The following EVI5 variants were observed in gnomAD, a reference collection of about 807,000 sequenced individuals.
The protein encoded by EVI5 is ecotropic viral integration site 5 protein homolog.
A neutral mutation model predicts 112.0 loss-of-function variants in EVI5; 73 were observed. The ratio of observed to expected loss-of-function variants is 0.65; its 90% CI spans 0.54 to 0.79. The LOEUF (loss-of-function observed/expected upper bound fraction) is 0.79, where lower values mean the gene tolerates loss of function less well. EVI5 is among the 30% of genes least tolerant of loss of function. EVI5 has a pLI of 0.00. For missense variants in EVI5, 900 were observed against 968.8 expected, an observed-to-expected ratio of 0.93 and a Z score of 0.94; for synonymous variants, 305 against 319.9, an observed-to-expected ratio of 0.95 and a Z score of 0.50.
At chr1:92,623,481 T>A (rs1369967817) in intron 16 of EVI5, among the ~76,000 whole-genome samples, 1 of 152,186 alleles carries the variant, frequency 6.6e-6, no homozygotes, top group African/African-American at 2.4e-5. Flanking sequence ...GAAAACCAAA[T>A]GTGCCTTTAC....
chr1:92,636,289 C>G lies in EVI5; in HGVS notation c.1440G>C (p.Glu480Asp). The G allele has an allele frequency of 6.2e-7, 1 of 1,613,774 alleles. No homozygotes were observed. ...TCAGTCGGGCTTGGACCAATTCCTT[C>G]TCTAGCTGTAGCACAAAATCTTCGT... is the stretch of plus-strand genomic sequence containing the variant. ...NYNEDFVLQLEKELVQARLSE... is the reference protein window; with the variant it reads ...NYNEDFVLQLDKELVQARLSE... Residue 480 changes from glutamate (E) to aspartate (D), a missense_variant, in exon 14 of 20, where the codon GAG becomes GAC. Transcript: ENST00000684568.
At chr1:92,605,557 C>T (rs886805662) in intron 17 of EVI5, among the ~76,000 whole-genome samples, 155 bp from the exon 18 acceptor site, 3 of 152,016 alleles carry the variant, frequency 2.0e-5, no homozygotes, top group South Asian at 2.1e-4. Flanking sequence ...ATACATACAA[C>T]GAAGCAGTGA....
At chr1:92,725,541 G>A (rs189066712) in intron 2 of EVI5, among the ~76,000 whole-genome samples, 81 of 152,048 alleles carry the variant, frequency 5.3e-4, no homozygotes, top group Non-Finnish European at 7.4e-4. Context: ...TGAATAACAC[G>A]GTGAAACCCC....
chr1:92,773,099 G>A (rs749761749), intron 1 of EVI5, among the ~76,000 whole-genome samples: 2 of 151,428 alleles, frequency 1.3e-5, no homozygotes, highest in Admixed American at 1.3e-4. Flanking sequence ...CCCAGCACTC[G>A]GGAGGCTGAG....
At chr1:92,742,622 G>A (rs950200099) in intron 1 of EVI5, among the ~76,000 whole-genome samples, 3 of 151,794 alleles carry the variant, frequency 2.0e-5, no homozygotes, top group African/African-American at 4.8e-5. Context: ...GCAGTGAGCC[G>A]AGACAGTGCC....
intron 19 of EVI5, among the ~76,000 whole-genome samples, chr1:92,520,733 C>G (rs1374506524): frequency 6.6e-6 from 1 of 151,622 alleles, no homozygotes; most frequent in African/African-American, 2.4e-5. Context: ...TACCTGTAGT[C>G]CCAACTACTC....
chr1:92,555,949 C>T (rs537361449), intron 19 of EVI5, among the ~76,000 whole-genome samples: 1 of 151,386 alleles, frequency 6.6e-6, no homozygotes, highest in African/African-American at 2.4e-5. Context: ...CCAACAACTA[C>T]AGAACCAGAT....
intron 16 of EVI5, among the ~76,000 whole-genome samples, chr1:92,608,899 T>A (rs1478943799): frequency 1.3e-5 from 2 of 152,196 alleles, no homozygotes; most frequent in South Asian, 2.1e-4. Context: ...TATCTCTGAG[T>A]CTCTATTTCC....
intron 19 of EVI5, among the ~76,000 whole-genome samples, chr1:92,551,930 T>C (rs1667003364): frequency 6.6e-6 from 1 of 152,200 alleles, no homozygotes; most frequent in Admixed American, 6.5e-5. Context: ...ATATTTCCAT[T>C]CTAATTGTCA....
At chr1:92,632,592 C>A (rs189044157) in intron 14 of EVI5, among the ~76,000 whole-genome samples, 4 of 152,044 alleles carry the variant, frequency 2.6e-5, no homozygotes, top group Admixed American at 6.6e-5. Context: ...GTCTTGCTAG[C>A]GGTCTATTTT....
chr1:92,640,296 G>T (rs1298834543), intron 13 of EVI5, among the ~76,000 whole-genome samples: 3 of 152,150 alleles, frequency 2.0e-5, no homozygotes, highest in African/African-American at 7.2e-5. Flanking sequence ...CACAGCAAAA[G>T]AAACTATCAT....
intron 18 of EVI5, among the ~76,000 whole-genome samples, chr1:92,588,609 GATTT>G (rs1306904853): frequency 2.0e-5 from 3 of 152,074 alleles, no homozygotes; most frequent in Non-Finnish European, 4.4e-5. Flanking sequence ...CACACCATAA[GATTT>G]ATTTTTTTCA....
intron 19 of EVI5, among the ~76,000 whole-genome samples, chr1:92,563,293 A>G (rs182730950): frequency 1.1e-3 from 173 of 152,316 alleles, no homozygotes; most frequent in African/African-American, 4.0e-3. Flanking sequence ...AAATACCACA[A>G]ATCTATTCTA....
At chr1:92,550,538 G>C (rs1255692880) in intron 19 of EVI5, among the ~76,000 whole-genome samples, 5 of 149,538 alleles carry the variant, frequency 3.3e-5, no homozygotes, top group African/African-American at 1.2e-4. Context: ...ACAAGGTCAG[G>C]AGATCGAGAC....
intron 19 of EVI5, among the ~76,000 whole-genome samples, chr1:92,561,554 A>ATCTAT (rs1557789296): frequency 0.09 from 11,389 of 126,766 alleles, 685 homozygotes; most frequent in Non-Finnish European, 0.093. Flanking sequence ...GATGAGACTG[A>ATCTAT]CTATCTATCT....
intron 19 of EVI5, among the ~76,000 whole-genome samples, chr1:92,553,260 A>G (rs1332817302): frequency 7.0e-6 from 1 of 143,388 alleles, no homozygotes; most frequent in African/African-American, 2.6e-5. Context: ...CCTCCCAAGT[A>G]GCTGGAACTA....
intron 13 of EVI5, among the ~76,000 whole-genome samples, chr1:92,654,712 A>G (rs1375314360): frequency 6.6e-6 from 1 of 152,232 alleles, no homozygotes; most frequent in Non-Finnish European, 1.5e-5. Context: ...TAAAGAATTA[A>G]AAATACTGAT....
intron 2 of EVI5, among the ~76,000 whole-genome samples, chr1:92,713,154 A>T (rs896642147): frequency 6.6e-6 from 1 of 151,634 alleles, no homozygotes. Flanking sequence ...GGTAAACAAA[A>T]TTTTTTCAAT....
intron 2 of EVI5, among the ~76,000 whole-genome samples, chr1:92,705,309 G>A (rs1464480112): frequency 1.3e-5 from 2 of 152,106 alleles, no homozygotes; most frequent in Non-Finnish European, 2.9e-5. Flanking sequence ...AAAATTGGAG[G>A]ATTTCACATA....
Sources: allele counts gnomAD v4.1 joint callset (sites outside exome capture counted in the v4.1 genomes callset), GRCh38; gene constraint gnomAD v4.1.1; transcripts MANE v1.5; gene names NCBI Gene and HGNC (gene_info 2026-07-23, HGNC 2026-07-21).